COL28A1: variants seen among roughly 807,000 people sequenced by gnomAD.
COL28A1 encodes collagen type XXVIII alpha 1 chain, also known as collagen alpha-1(XXVIII) chain.
COL28A1 carries 161 observed loss-of-function variants against 150.2 expected under a neutral mutation model. The ratio of observed to expected loss-of-function variants is 1.07; its 90% confidence interval spans 0.94 to 1.22. The LOEUF (loss-of-function observed/expected upper bound fraction) is 1.22, where lower values mean the gene tolerates loss of function less well. Among genes scored for constraint, COL28A1 ranks in the 50% most tolerant of loss-of-function variants. The probability of loss-of-function intolerance (pLI) is 0.00; values close to 1 mark genes in which losing one functional copy is unlikely to be tolerated. For synonymous variants in COL28A1, 552 were observed against 469.7 expected, an observed-to-expected ratio of 1.18 and a Z score of -2.26; for missense variants, 1,617 against 1,388.3, an observed-to-expected ratio of 1.16 and a Z score of -2.62.
At chr7:7,487,223 A>T (rs1779674796) in intron 13 of COL28A1, among the ~76,000 whole-genome samples, 1 of 152,182 alleles carries the variant, frequency 6.6e-6, no homozygotes, top group Non-Finnish European at 1.5e-5. Flanking sequence ...CTGAGTTTGG[A>T]AGGTATAAAT....
chr7:7,478,095 C>G (rs1056294717), intron 13 of COL28A1, among the ~76,000 whole-genome samples: 3 of 151,234 alleles, frequency 2.0e-5, no homozygotes, highest in Admixed American at 6.6e-5. Flanking sequence ...TTGGTGCATT[C>G]ACAATCCCTT....
intron 23 of COL28A1, among the ~76,000 whole-genome samples, chr7:7,434,654 T>C (rs1213436997): frequency 2.0e-5 from 3 of 152,220 alleles, no homozygotes; most frequent in African/African-American, 7.2e-5. Context: ...ATCCTTTTTA[T>C]AGAGATCTTT....
In COL28A1 at chr7:7,515,028, G is replaced by A. The variant is rs576451659; in HGVS notation, c.882+786C>T. On this transcript the variant is annotated intron_variant, in intron 8 of 34. Transcript: ENST00000399429. ...CAGACTCCTGGCTCCATGAGAAGCA[G>A]GGAGGCCAGAGGAGACTCAGAGCTG... Among the ~76,000 whole-genome samples, 4 of 152,296 alleles carry A rather than the reference G, an allele frequency of 2.6e-5. No individual in the cohort carries two copies. The South Asian group carries it at 6.2e-4, about 24-fold the overall frequency.
chr7:7,406,982 T>C (rs1035963211), intron 27 of COL28A1, among the ~76,000 whole-genome samples: 8 of 152,118 alleles, frequency 5.3e-5, no homozygotes, highest in African/African-American at 1.9e-4. Context: ...AATGACTATG[T>C]GGGTTTTAAA....
intron 33 of COL28A1, among the ~76,000 whole-genome samples, chr7:7,369,414 G>A (rs1158837646): frequency 4.6e-5 from 7 of 152,150 alleles, no homozygotes; most frequent in African/African-American, 1.4e-4. Context: ...TACTTCAAAC[G>A]CAGAGCTGAG....
intron 25 of COL28A1, among the ~76,000 whole-genome samples, chr7:7,427,897 G>A (rs1451877102): frequency 1.3e-5 from 2 of 152,076 alleles, no homozygotes; most frequent in Non-Finnish European, 2.9e-5. Flanking sequence ...GAGCATCTGT[G>A]GATCAGGGTA....
intron 16 of COL28A1, among the ~76,000 whole-genome samples, chr7:7,454,270 T>A (rs1786956407): frequency 6.6e-6 from 1 of 152,178 alleles, no homozygotes; most frequent in African/African-American, 2.4e-5. Flanking sequence ...CATTCATTTT[T>A]ATGAGAGAAA....
rs182528493 is a variant in COL28A1 at position 7,529,727 on chromosome 7, T to C, written c.681+1621A>G. On this transcript the variant is annotated intron_variant, in intron 3 of 34. Transcript: ENST00000399429. ...CTTCTATGGTCAGCTCTTATCCATC[T>C]TAAGGTGAAGATGAATAAGTAACAA... Among the ~76,000 whole-genome samples, 38 of 152,334 alleles carry C rather than the reference T, an allele frequency of 2.5e-4. 1 individual carries two copies. The highest frequency in any genetic ancestry group is 8.9e-4 in the African/African-American group (37 of 41,580).
Position 7,437,405 on chromosome 7 carries a change from G to T in COL28A1, c.1780C>A (p.Pro594Thr). ...GMPGTSIPGP[P>T]GPKGDRGGPG... ...CCAAGAATATATACCTTTGGCCCAGGTGGTCCAGGAATTGATGTTCCAGGC... is the reference window on the plus strand; with the variant it reads ...CCAAGAATATATACCTTTGGCCCAGTTGGTCCAGGAATTGATGTTCCAGGC... Residue 594 changes from proline (P) to threonine (T), a missense_variant, in exon 22 of 35, where the codon CCT (proline) becomes ACT (threonine). Pro to Thr is a conservative substitution (Grantham distance 38, BLOSUM62 -1). Coordinates refer to ENST00000399429, the MANE Select transcript of COL28A1 (RefSeq NM_001037763.3). 3 of 1,613,276 alleles carry T rather than the reference G, an allele frequency of 1.9e-6. No homozygotes were observed. Among genetic ancestry groups the T allele is most frequent in the Non-Finnish European group, 2.5e-6 (3 of 1,179,734 alleles).
intron 33 of COL28A1, among the ~76,000 whole-genome samples, chr7:7,363,120 T>A (rs892804460): frequency 1.3e-5 from 2 of 152,194 alleles, no homozygotes; most frequent in African/African-American, 4.8e-5. Flanking sequence ...AATAAAAGTT[T>A]GAGGAGTAAG....
chr7:7,444,430 A>G lies in COL28A1; in HGVS notation c.1569T>C (p.Ala523=). Residue 523 remains alanine, a synonymous_variant, in exon 19 of 35, where the codon GCT becomes GCC. Coordinates refer to ENST00000399429, the MANE Select transcript of COL28A1 (RefSeq NM_001037763.3). The stretch of plus-strand genomic sequence containing the variant: ...AACTTGGTGTTACCTTCTTCCCTGC[A>G]GCTCCATCTTCTCCTGGTACTCCTG... The part of the protein sequence containing the change: ...GQPGVPGEDG[A]AGKKGEAGLP... 1 of 1,614,056 alleles carries G rather than the reference A, an allele frequency of 6.2e-7. No homozygotes were observed. The highest frequency in any genetic ancestry group is 1.1e-5 in the South Asian group (1 of 91,064).
chr7:7,465,613 G>C (rs907504797), intron 15 of COL28A1, among the ~76,000 whole-genome samples: 1 of 131,160 alleles, frequency 7.6e-6, no homozygotes, highest in Non-Finnish European at 1.6e-5. Flanking sequence ...ACAGCTCAAG[G>C]AGGCCTGCCT....
In COL28A1 at chr7:7,375,485, T is replaced by A. The variant is rs776465457; in HGVS notation, c.2335A>T (p.Ile779Phe). The change falls in exon 31 of 35, where the codon ATC becomes TTC. Residue 779 changes from isoleucine to phenylalanine, a missense_variant. Coordinates refer to ENST00000399429, the MANE Select transcript of COL28A1 (RefSeq NM_001037763.3). ...CCACATATTTCTGTAATAAGTTTGA[T>A]AATTTCTTCTTTCTAGGGGATAAAA... ...GDLGLTKEEI[I>F]KLITEICGCG... 6.2e-5 allele frequency: 97 copies of A among 1,562,738 alleles called. No individual in the cohort carries two copies. Among genetic ancestry groups the A allele is most frequent in the Non-Finnish European group, 8.2e-5 (94 of 1,141,302 alleles).
intron 34 of COL28A1, 103 bp downstream of exon 34, chr7:7,360,287 G>T: frequency 8.6e-7 from 1 of 1,160,016 alleles, no homozygotes; most frequent in Non-Finnish European, 1.2e-6. Flanking sequence ...TCCTCACATT[G>T]TAGATACAGT....
intron 27 of COL28A1, among the ~76,000 whole-genome samples, chr7:7,384,702 G>A (rs73674515): frequency 1.3e-5 from 2 of 152,144 alleles, no homozygotes; most frequent in Non-Finnish European, 2.9e-5. Context: ...TGCAGATAAG[G>A]AGGGACTACT....
At chr7:7,423,132 A>C (rs563829797) in intron 25 of COL28A1, among the ~76,000 whole-genome samples, 22 of 152,354 alleles carry the variant, frequency 1.4e-4, no homozygotes, top group African/African-American at 5.3e-4. Flanking sequence ...AAGTTTTTAA[A>C]AAGAGTTCTT....
chr7:7,428,362 G>A (rs1287748109), intron 25 of COL28A1, among the ~76,000 whole-genome samples: 1 of 152,188 alleles, frequency 6.6e-6, no homozygotes, highest in Admixed American at 6.5e-5. Flanking sequence ...AAAGCTAAGA[G>A]ACGGGCACGG....
At position 7,373,584 on chromosome 7, in the gene COL28A1, T is replaced by C. The variant is rs572558162; in HGVS notation, c.2360-38A>G. 2 of 1,558,116 alleles carry C rather than the reference T, an allele frequency of 1.3e-6. No individual in the cohort carries two copies. Among genetic ancestry groups the C allele is most frequent in the East Asian group, 2.2e-5 (1 of 44,476 alleles). On this transcript the variant is annotated intron_variant, in intron 31 of 34. Coordinates refer to ENST00000399429, the MANE Select transcript of COL28A1 (RefSeq NM_001037763.3). The surrounding 1 kb of genome is among the most constrained non-coding windows in gnomAD (Gnocchi z 4.1). ...TGTTGAGAGAGAAAAATTGTGGGAATGATTGACATCAGATTGTTGAGGGGA... is the reference window on the plus strand; with the variant it reads ...TGTTGAGAGAGAAAAATTGTGGGAACGATTGACATCAGATTGTTGAGGGGA...
intron 11 of COL28A1, among the ~76,000 whole-genome samples, chr7:7,490,910 G>T (rs1779879805): frequency 1.3e-5 from 2 of 152,176 alleles, no homozygotes; most frequent in African/African-American, 4.8e-5. Context: ...GTAATTTTTT[G>T]ATTCAAAATA....
Sources: allele counts gnomAD v4.1 joint callset (sites outside exome capture counted in the v4.1 genomes callset), GRCh38; gene constraint gnomAD v4.1.1; non-coding constraint Gnocchi (gnomAD v3.1); transcripts MANE v1.5; gene names NCBI Gene and HGNC (gene_info 2026-07-23, HGNC 2026-07-21).